The following KCNMA1 variants were observed in gnomAD, a reference collection of about 807,000 sequenced individuals.
KCNMA1 encodes potassium calcium-activated channel subfamily M alpha 1.
In KCNMA1, 29 loss-of-function variants were observed where a neutral mutation model predicts 140.0. That is an observed-to-expected ratio of 0.21 (90% CI 0.15 to 0.28). The LOEUF (loss-of-function observed/expected upper bound fraction) is 0.28. Among genes scored for constraint, KCNMA1 ranks in the 10% least tolerant of loss-of-function variants. KCNMA1 has a pLI of 1.00. For missense variants in KCNMA1, 880 were observed against 1,602.2 expected (o/e 0.55, Z 7.70); for synonymous variants, 612 against 611.9 (o/e 1.00, Z 0.00).
intron 25 of KCNMA1, among the ~76,000 whole-genome samples, chr10:76,901,105 T>C (rs535215917): frequency 1.3e-5 from 2 of 152,098 alleles, no homozygotes; most frequent in East Asian, 3.9e-4. Flanking sequence ...CTGCAAATCA[T>C]GACACCTAAG....
downstream of KCNMA1, among the ~76,000 whole-genome samples, chr10:76,881,240 GCTCACGTA>G (rs2034552392): frequency 6.6e-6 from 1 of 152,170 alleles, no homozygotes. Flanking sequence ...AGCAGATCTA[GCTCACGTA>G]CTAGTTGCAT....
intron 1 of KCNMA1, among the ~76,000 whole-genome samples, chr10:77,579,113 G>A (rs185568872): frequency 6.6e-6 from 1 of 152,228 alleles, no homozygotes; most frequent in African/African-American, 2.4e-5. Flanking sequence ...TCTTGGAGAA[G>A]GGGATTTCTT....
chr10:77,032,304 A>G (rs1352417816), intron 15 of KCNMA1, among the ~76,000 whole-genome samples: 1 of 152,222 alleles, frequency 6.6e-6, no homozygotes, highest in Admixed American at 6.5e-5. Flanking sequence ...AAGAATGAGC[A>G]TTAGCCATCT....
intron 1 of KCNMA1, among the ~76,000 whole-genome samples, chr10:77,481,101 G>C (rs2098387204): frequency 6.7e-6 from 1 of 148,372 alleles, no homozygotes; most frequent in Admixed American, 6.7e-5. Context: ...CTGGGCAACA[G>C]AGTGAGACTC....
chr10:77,464,114 AGTTCCTG>A (rs2097931499), intron 1 of KCNMA1, among the ~76,000 whole-genome samples: 1 of 152,194 alleles, frequency 6.6e-6, no homozygotes, highest in Non-Finnish European at 1.5e-5. Flanking sequence ...AAAATCCCTG[AGTTCCTG>A]GTCCAGCTAT....
chr10:77,106,084 T>C (rs1034211930), intron 9 of KCNMA1, among the ~76,000 whole-genome samples: 3 of 152,186 alleles, frequency 2.0e-5, no homozygotes, highest in Non-Finnish European at 2.9e-5. Flanking sequence ...AAGATCTAAG[T>C]GACCAAAGGC....
chr10:77,509,112 T>C (rs899010042), intron 1 of KCNMA1, among the ~76,000 whole-genome samples: 1 of 121,814 alleles, frequency 8.2e-6, no homozygotes, highest in African/African-American at 3.6e-5. Flanking sequence ...TTGTTGTTGT[T>C]GTTGTTGTTG....
chr10:76,970,308 T>C, intron 19 of KCNMA1: 1 of 394,606 alleles, frequency 2.5e-6, no homozygotes, highest in Non-Finnish European at 4.5e-6. Context: ...ACTAAAACAG[T>C]TTGTAAACAC....
At chr10:77,049,402 T>G (rs1197863935) in intron 14 of KCNMA1, among the ~76,000 whole-genome samples, 1 of 152,242 alleles carries the variant, frequency 6.6e-6, no homozygotes, top group Non-Finnish European at 1.5e-5. Flanking sequence ...TCTAGAACAG[T>G]ACCTGGTACT....
At chr10:77,121,427 T>C (rs1212064344) in intron 5 of KCNMA1, among the ~76,000 whole-genome samples, 1 of 152,230 alleles carries the variant, frequency 6.6e-6, no homozygotes. Context: ...GGGTAACCCT[T>C]GTGCTAAGAG....
chr10:77,611,713 T>C (rs532414636), intron 1 of KCNMA1, among the ~76,000 whole-genome samples: 1 of 152,318 alleles, frequency 6.6e-6, no homozygotes, highest in Admixed American at 6.5e-5. Context: ...ACTGTTCTAC[T>C]GGTTTATCTA....
At chr10:77,447,418 A>G (rs2097548904) in intron 1 of KCNMA1, among the ~76,000 whole-genome samples, 1 of 152,228 alleles carries the variant, frequency 6.6e-6, no homozygotes, top group Non-Finnish European at 1.5e-5. Flanking sequence ...GGTCATTATT[A>G]TTATAGCCCA....
At chr10:77,465,150 A>T (rs1278806951) in intron 1 of KCNMA1, among the ~76,000 whole-genome samples, 2 of 152,190 alleles carry the variant, frequency 1.3e-5, no homozygotes, top group African/African-American at 4.8e-5. Flanking sequence ...GAGACCAAAC[A>T]TACAGTCTCT....
chr10:76,994,841 C>T (rs1440514050), intron 19 of KCNMA1, among the ~76,000 whole-genome samples: 13 of 152,204 alleles, frequency 8.5e-5, no homozygotes, highest in Non-Finnish European at 1.3e-4. Context: ...CATCCATCTC[C>T]GATGAAGGAA....
chr10:77,224,414 T>C (rs1357787237), intron 3 of KCNMA1, among the ~76,000 whole-genome samples: 4 of 152,218 alleles, frequency 2.6e-5, no homozygotes, highest in African/African-American at 7.2e-5. Context: ...GCCCCCTGGA[T>C]GCAAAGGCAG....
chr10:77,231,036 C>T (rs1315737144), intron 3 of KCNMA1, among the ~76,000 whole-genome samples: 1 of 152,198 alleles, frequency 6.6e-6, no homozygotes, highest in Non-Finnish European at 1.5e-5. Context: ...GATTTTAACA[C>T]ACCTGGGCTG....
In KCNMA1 at chr10:77,408,023, G is replaced by A. The variant is rs145185334; in HGVS notation, c.379-4000C>T. Among the ~76,000 whole-genome samples the A allele has an allele frequency of 3.2e-3, 493 of 152,262 alleles. 1 individual carries two copies. The highest frequency in any genetic ancestry group is 5.2e-3 in the Non-Finnish European group (356 of 68,020). On this transcript the variant is annotated intron_variant, in intron 1 of 27. Coordinates refer to ENST00000286628, the MANE Select transcript of KCNMA1 (RefSeq NM_001161352.2). ...GACTCCTGCAGGGCTTCTAGTAGGC[G>A]CTGTGTGACCACCACCCAGGACAGC...
chr10:77,096,412 T>G (rs1228819969), intron 9 of KCNMA1, among the ~76,000 whole-genome samples: 1 of 152,174 alleles, frequency 6.6e-6, no homozygotes, highest in Non-Finnish European at 1.5e-5. Flanking sequence ...AATCGCTTCC[T>G]AACTGATTTC....
intron 1 of KCNMA1, among the ~76,000 whole-genome samples, chr10:77,531,001 G>A (rs1010390831): frequency 6.6e-5 from 10 of 152,166 alleles, no homozygotes; most frequent in Non-Finnish European, 1.0e-4. Context: ...GCATTGAGGT[G>A]TGGCAAAACA....
Sources: allele counts gnomAD v4.1 joint callset (sites outside exome capture counted in the v4.1 genomes callset), GRCh38; gene constraint gnomAD v4.1.1; transcripts MANE v1.5; gene names NCBI Gene and HGNC (gene_info 2026-07-23, HGNC 2026-07-21).